The following ENPP6 variants were observed in gnomAD, a reference collection of about 807,000 sequenced individuals.
ENPP6 encodes glycerophosphocholine cholinephosphodiesterase ENPP6.
ENPP6 carries 32 observed loss-of-function variants against 42.0 expected under a neutral mutation model. That is an observed-to-expected ratio of 0.76 (90% CI 0.58 to 1.02). The LOEUF (loss-of-function observed/expected upper bound fraction) is 1.02. ENPP6 is among the 50% of genes least tolerant of loss of function. The pLI, the probability that ENPP6 is intolerant of heterozygous loss-of-function variation, is 0.00. For missense variants in ENPP6, 552 were observed against 566.8 expected (o/e 0.97, Z 0.27); for synonymous variants, 213 against 216.0 (o/e 0.99, Z 0.12).
rs568158709 is a variant in ENPP6 at position 184,197,175 on chromosome 4, A to G, written c.241+20404T>C. 2.5e-4 allele frequency among the ~76,000 whole-genome samples: 38 copies of G among 152,358 alleles called. No homozygotes were observed. In the South Asian group the frequency reaches 2.9e-3, roughly 12 times the overall value. On this transcript the variant is annotated intron_variant, in intron 1 of 7. Transcript: ENST00000296741. ...GTTATTATTCACGGCACTAGAAAAT[A>G]GAGAGGATGGCCAAGCTGAGTCCAG...
intron 1 of ENPP6, among the ~76,000 whole-genome samples, chr4:184,209,335 T>A: frequency 6.8e-6 from 1 of 147,282 alleles, no homozygotes; most frequent in East Asian, 2.0e-4. Flanking sequence ...TTGAAAACTT[T>A]GAAAAAAATT....
In ENPP6 at chr4:184,182,691, A is replaced by G. The variant is rs993083790; in HGVS notation, c.242-28958T>C. ...CTATGCAACCATAAAAAAGAATGAG[A>G]TTTTTGTCTTTTGCAGGGACATGGA... On this transcript the variant is annotated intron_variant, in intron 1 of 7. Transcript: ENST00000296741. 2.6e-5 allele frequency among the ~76,000 whole-genome samples: 4 copies of G among 152,288 alleles called. No individual in the cohort carries two copies. In the East Asian group the frequency reaches 7.7e-4, roughly 29 times the overall value.
At chr4:184,117,937 G>T (rs1245429213) in intron 3 of ENPP6, 37 bp from the exon 4 acceptor site, 2 of 1,601,758 alleles carry the variant, frequency 1.2e-6, no homozygotes, top group Admixed American at 1.7e-5. Flanking sequence ...GGTGAGGGAG[G>T]CCCCCGCCAG....
intron 1 of ENPP6, among the ~76,000 whole-genome samples, chr4:184,157,625 C>A (rs1021464600): frequency 2.1e-5 from 3 of 144,084 alleles, no homozygotes; most frequent in Non-Finnish European, 3.0e-5. Flanking sequence ...CTCTTTCTCT[C>A]TTTCTTCTTC....
At chr4:184,123,486 C>CA (rs1736453667) in intron 3 of ENPP6, among the ~76,000 whole-genome samples, 2 of 152,136 alleles carry the variant, frequency 1.3e-5, no homozygotes, top group Admixed American at 1.3e-4. Flanking sequence ...CAAAAGCCCC[C>CA]AGCATCTGTA....
intron 1 of ENPP6, among the ~76,000 whole-genome samples, chr4:184,181,626 A>G (rs1732552689): frequency 6.6e-6 from 1 of 152,244 alleles, no homozygotes; most frequent in Non-Finnish European, 1.5e-5. Flanking sequence ...ACAAGGCTAC[A>G]GTAACCAAAA....
intron 1 of ENPP6, among the ~76,000 whole-genome samples, chr4:184,157,419 T>TTCTCTCTCTC (rs149313850): frequency 6.6e-6 from 1 of 150,780 alleles, no homozygotes; most frequent in African/African-American, 2.4e-5. Context: ...CTTTCTTTCT[T>TTCTCTCTCTC]TCTTTCTTTC....
chr4:184,184,506 T>C lies in ENPP6; in HGVS notation c.242-30773A>G, dbSNP rs1732600189. Reference sequence around the variant, plus strand: ...AATTCAGTATATGTGGGAAAGAGATTAAAATATGAGGGAAAGCAAATCGTG... The same window carrying C: ...AATTCAGTATATGTGGGAAAGAGATCAAAATATGAGGGAAAGCAAATCGTG... On this transcript the variant is annotated intron_variant, in intron 1 of 7. Coordinates refer to ENST00000296741, the MANE Select transcript of ENPP6 (RefSeq NM_153343.4). The surrounding 1 kb of genome is among the most constrained non-coding windows in gnomAD (Gnocchi z 4.7). 6.6e-6 allele frequency among the ~76,000 whole-genome samples: 1 copy of C among 151,994 alleles called. No individual in the cohort carries two copies. Among genetic ancestry groups the C allele is most frequent in the Non-Finnish European group, 1.5e-5 (1 of 67,970 alleles).
rs551660901 is a variant in ENPP6, at chr4:184,097,557, G to A, written c.994-189C>T. 1.8e-3 allele frequency among the ~76,000 whole-genome samples: 272 copies of A among 152,286 alleles called. 2 individuals are homozygous for A. Among genetic ancestry groups the A allele is most frequent in the African/African-American group, 6.1e-3 (252 of 41,558 alleles). ...TCAGACCTCGGGCAGCAGCCTATTC[G>A]ATTGCTAAGCGCTGTGGTTAACAAG... On this transcript the variant is annotated intron_variant, in intron 6 of 7. Transcript: ENST00000296741.
chr4:184,163,459 AC>A (rs1301637170), intron 1 of ENPP6, among the ~76,000 whole-genome samples: 4 of 152,176 alleles, frequency 2.6e-5, no homozygotes, highest in African/African-American at 9.7e-5. Flanking sequence ...TTCACACTTC[AC>A]TTTCCATGAC....
intron 1 of ENPP6, among the ~76,000 whole-genome samples, chr4:184,154,996 A>G (rs10014247): frequency 0.51 from 77,168 of 151,908 alleles, 20,064 homozygotes; most frequent in East Asian, 0.81. Flanking sequence ...AATAAATGTC[A>G]TGCCCATCCT....
intron 2 of ENPP6, among the ~76,000 whole-genome samples, chr4:184,126,817 C>A (rs1253802690): frequency 6.6e-6 from 1 of 152,182 alleles, no homozygotes; most frequent in Admixed American, 6.5e-5. Context: ...AGACCCAGCT[C>A]AGCTACAGAT....
chr4:184,123,786 A>G (rs1336843938), intron 3 of ENPP6, among the ~76,000 whole-genome samples: 2 of 152,146 alleles, frequency 1.3e-5, no homozygotes, highest in Non-Finnish European at 2.9e-5. Context: ...AATTTTCCCA[A>G]ACTTATTTGA....
intron 1 of ENPP6, among the ~76,000 whole-genome samples, chr4:184,159,284 G>T (rs1737224926): frequency 6.6e-6 from 1 of 152,186 alleles, no homozygotes; most frequent in Admixed American, 6.5e-5. Flanking sequence ...AAGAGGGTCA[G>T]CGGGACCTGG....
At chr4:184,146,720 G>A (rs1402777246) in intron 2 of ENPP6, among the ~76,000 whole-genome samples, 1 of 152,148 alleles carries the variant, frequency 6.6e-6, no homozygotes, top group Non-Finnish European at 1.5e-5. Flanking sequence ...CTGTCTCAGG[G>A]AAGCCTCTCC....
At chr4:184,217,327 G>T (rs1274217895) in intron 1 of ENPP6, among the ~76,000 whole-genome samples, 1 of 152,182 alleles carries the variant, frequency 6.6e-6, no homozygotes, top group Non-Finnish European at 1.5e-5. Context: ...CAAATATCAT[G>T]TACTGCTATA....
chr4:184,131,253 T>TTC (rs1560987436), intron 2 of ENPP6, among the ~76,000 whole-genome samples: 16 of 21,072 alleles, frequency 7.6e-4, no homozygotes, highest in South Asian at 5.8e-3. Flanking sequence ...TCTTTCTTTC[T>TTC]CTTTCTCTTC....
chr4:184,193,648 A>G (rs1256310092), intron 1 of ENPP6, among the ~76,000 whole-genome samples: 1 of 152,252 alleles, frequency 6.6e-6, no homozygotes, highest in Non-Finnish European at 1.5e-5. Context: ...CAGTAAAGCT[A>G]TTAGTAATCA....
intron 1 of ENPP6, among the ~76,000 whole-genome samples, chr4:184,195,022 A>AT (rs11381145): frequency 0.83 from 126,544 of 151,940 alleles, 52,950 homozygotes; most frequent in East Asian, 0.97. Context: ...TCAGAGTCAG[A>AT]TTTTTTTTAT....
Sources: gnomAD v4.1 joint callset for allele counts (sites outside exome capture counted in the v4.1 genomes callset) on GRCh38, gnomAD v4.1.1 for gene constraint, Gnocchi (gnomAD v3.1) non-coding constraint, MANE v1.5 for transcripts, NCBI Gene and HGNC (gene_info 2026-07-23, HGNC 2026-07-21) for gene names.